CNPY1: variants seen among roughly 807,000 people sequenced by gnomAD.
CNPY1 encodes canopy FGF signaling regulator 1, also known as protein canopy homolog 1.
Under a neutral mutation model 14.4 loss-of-function variants are expected in CNPY1, and 14 were observed. The observed-to-expected ratio is 0.97, with a 90% CI of 0.64 to 1.52. The LOEUF is 1.52. CNPY1 is among the 40% of genes most tolerant of loss of function. The pLI is 0.00. For synonymous variants in CNPY1, 43 were observed against 46.5 expected (o/e 0.92, Z 0.31); for missense variants, 129 against 131.5 (o/e 0.98, Z 0.09).
chr7:155,515,018 C>T (rs976873909), intron 2 of CNPY1, among the ~76,000 whole-genome samples: 6 of 152,182 alleles, frequency 3.9e-5, no homozygotes, highest in Non-Finnish European at 1.5e-5. Context: ...GATGAGAAAG[C>T]ACACACATAC....
Position 155,503,082 on chromosome 7 carries a change from G to T in CNPY1, c.424C>A (p.His142Asn). 6.2e-7 allele frequency: 1 copy of T among 1,604,764 alleles called. No individual in the cohort carries two copies. The highest frequency in any genetic ancestry group is 8.5e-7 in the Non-Finnish European group (1 of 1,178,242). ...GAACGGCACTCCTAGAGCTCAGTAT[G>T]ATTAGCAGAAGTTTCACACAGATCT... ...KSDLCETSAN[H>N]TEL The change falls in exon 5 of 5, where the codon CAT (histidine) becomes AAT (asparagine). Residue 142 changes from histidine to asparagine, a missense_variant. His to Asn is a moderately conservative substitution (Grantham distance 68). Transcript: ENST00000636446.
At chr7:155,515,790 G>T (rs1796611722) in intron 2 of CNPY1, among the ~76,000 whole-genome samples, 1 of 152,140 alleles carries the variant, frequency 6.6e-6, no homozygotes, top group African/African-American at 2.4e-5. Flanking sequence ...TCATTTTCTG[G>T]TTCCCAGGGT....
intron 2 of CNPY1, among the ~76,000 whole-genome samples, chr7:155,515,988 T>C (rs993909617): frequency 6.7e-6 from 1 of 149,462 alleles, no homozygotes; most frequent in Non-Finnish European, 1.5e-5. Flanking sequence ...TCTACATGTG[T>C]GAGCAAATGA....
At chr7:155,545,291 C>T (rs1172201563) in intron 2 of CNPY1, among the ~76,000 whole-genome samples, 1 of 152,212 alleles carries the variant, frequency 6.6e-6, no homozygotes, top group Non-Finnish European at 1.5e-5. Flanking sequence ...CGCCTGGTGT[C>T]TTAGACTCCA....
rs1796160215 is a variant in CNPY1, at chr7:155,502,796, A to T, written c.*272T>A. The T allele has an allele frequency of 2.1e-6, 1 of 468,016 alleles. No homozygotes were observed. The highest frequency in any genetic ancestry group is 3.8e-6 in the Non-Finnish European group (1 of 263,858). The allele number at this position is 468,016 out of a possible 1,614,324, so 29.0% of individuals were successfully genotyped here. ...GTCTTCGCTTTTTTCCTCAATACAG[A>T]ATTAAATCCTCTATTGTCAAGCTTG... On this transcript the variant is annotated 3_prime_UTR_variant, in exon 5 of 5. Transcript: ENST00000636446.
chr7:155,520,792 G>T (rs929339049), intron 2 of CNPY1, among the ~76,000 whole-genome samples: 67 of 152,188 alleles, frequency 4.4e-4, no homozygotes, highest in Non-Finnish European at 9.1e-4. Flanking sequence ...TTAATACCCA[G>T]ATCTTGAAAG....
rs1797151404 is a variant in CNPY1 at position 155,545,899 on chromosome 7, C to T, written c.31G>A (p.Ala11Thr). 2.5e-6 allele frequency: 1 copy of T among 398,552 alleles called. No homozygotes were observed. Among genetic ancestry groups the T allele is most frequent in the African/African-American group, 2.1e-5 (1 of 48,640 alleles). 24.7% of individuals were successfully genotyped at this position (398,552 alleles called of 1,614,324 possible). Reference protein sequence around the residue: MDEIEHDITKARQKKTKVGSF... With the variant: MDEIEHDITKTRQKKTKVGSF... ...CCCACCTTGGTCTTCTTCTGCCGAG[C>T]CTTGGTGATGTCGTGCTCTATCTCG... Residue 11 changes from alanine (A) to threonine (T), a missense_variant, in exon 2 of 5, where the codon GCT becomes ACT. Physicochemically the swap from Ala to Thr is moderately conservative, Grantham distance 58. Transcript: ENST00000636446.
At chr7:155,531,862 C>T (rs1194179813) in intron 2 of CNPY1, among the ~76,000 whole-genome samples, 1 of 152,196 alleles carries the variant, frequency 6.6e-6, no homozygotes, top group African/African-American at 2.4e-5. Flanking sequence ...ACCAGTTCCC[C>T]AGAGCCACCT....
At chr7:155,511,208 C>T (rs1796524293) in intron 2 of CNPY1, among the ~76,000 whole-genome samples, 1 of 152,196 alleles carries the variant, frequency 6.6e-6, no homozygotes, top group Admixed American at 6.5e-5. Context: ...CCAGGAGGAA[C>T]CAGGGTCTGA....
Position 155,502,873 on chromosome 7 carries a change from C to A in CNPY1, c.*195G>T. On this transcript the variant is annotated 3_prime_UTR_variant, in exon 5 of 5. Coordinates refer to ENST00000636446, the MANE Select transcript of CNPY1 (RefSeq NM_001393663.1). ...TTAAGTTTCATGTACTCCTCAGCTT[C>A]ACCTATAAAAAAACGCAGGGTTTGT... 1.9e-6 allele frequency: 1 copy of A among 537,602 alleles called. No homozygotes were observed. 33.3% of individuals were successfully genotyped at this position (537,602 alleles called of 1,614,324 possible).
At chr7:155,529,681 GC>G (rs780228837) in intron 2 of CNPY1, among the ~76,000 whole-genome samples, 2 of 151,802 alleles carry the variant, frequency 1.3e-5, no homozygotes, top group Non-Finnish European at 2.9e-5. Flanking sequence ...ATTAGGCCCT[GC>G]CCCACCCCAC....
chr7:155,517,243 C>T (rs1232638709), intron 2 of CNPY1, among the ~76,000 whole-genome samples: 5 of 152,046 alleles, frequency 3.3e-5, no homozygotes, highest in Non-Finnish European at 7.4e-5. Flanking sequence ...AGGAAGAGGA[C>T]ATTAGGAAAC....
intron 2 of CNPY1, among the ~76,000 whole-genome samples, chr7:155,513,166 CTG>C (rs1291961108): frequency 1.3e-5 from 2 of 152,128 alleles, no homozygotes; most frequent in Non-Finnish European, 2.9e-5. Context: ...ATAGCATTGA[CTG>C]TTTAGTTTTA....
At chr7:155,532,771 T>C (rs1473192160) in intron 2 of CNPY1, among the ~76,000 whole-genome samples, 1 of 152,116 alleles carries the variant, frequency 6.6e-6, no homozygotes, top group Non-Finnish European at 1.5e-5. Context: ...CTCTACAATA[T>C]CTTCCCATAT....
chr7:155,544,085 A>G (rs1797131919), intron 2 of CNPY1, among the ~76,000 whole-genome samples: 3 of 152,104 alleles, frequency 2.0e-5, no homozygotes, highest in African/African-American at 7.2e-5. Flanking sequence ...AAGGCTCAGG[A>G]CCCCCAAACG....
At chr7:155,529,479 G>A (rs1024215953) in intron 2 of CNPY1, among the ~76,000 whole-genome samples, 5 of 152,198 alleles carry the variant, frequency 3.3e-5, no homozygotes, top group Admixed American at 6.5e-5. Flanking sequence ...CAGCAGGGCC[G>A]TGATCTCTCT....
chr7:155,537,482 G>A (rs1797037440), intron 2 of CNPY1, among the ~76,000 whole-genome samples: 1 of 148,646 alleles, frequency 6.7e-6, no homozygotes, highest in East Asian at 2.0e-4. Context: ...GGGGTGCAAT[G>A]GTGCGATCTC....
At chr7:155,542,963 C>T (rs1385813816) in intron 2 of CNPY1, among the ~76,000 whole-genome samples, 1 of 152,098 alleles carries the variant, frequency 6.6e-6, no homozygotes, top group Non-Finnish European at 1.5e-5. Context: ...CACACTGGGT[C>T]CGCACAGTGC....
chr7:155,522,013 C>A (rs1796734680), intron 2 of CNPY1, among the ~76,000 whole-genome samples: 1 of 152,252 alleles, frequency 6.6e-6, no homozygotes, highest in East Asian at 1.9e-4. Flanking sequence ...GCACTTTCCT[C>A]CTAGTGGGCA....
Sources: gnomAD v4.1 joint callset for allele counts (sites outside exome capture counted in the v4.1 genomes callset) on GRCh38, gnomAD v4.1.1 for gene constraint, MANE v1.5 for transcripts, NCBI Gene and HGNC (gene_info 2026-07-23, HGNC 2026-07-21) for gene names.